RBMS1: variants seen among roughly 807,000 people sequenced by gnomAD.
The protein encoded by RBMS1 is RNA binding motif single stranded interacting protein 1, also known as RNA-binding motif, single-stranded-interacting protein 1.
RBMS1 carries 17 observed loss-of-function variants against 62.3 expected under a neutral mutation model. That is an observed-to-expected ratio of 0.27 (90% CI 0.19 to 0.41). The LOEUF is 0.41. Among genes scored for constraint, RBMS1 ranks in the 10% least tolerant of loss-of-function variants. The pLI is 1.00. For missense variants in RBMS1, 334 were observed against 504.5 expected (o/e 0.66, Z 3.24); for synonymous variants, 172 against 170.0 (o/e 1.01, Z -0.09).
intron 1 of RBMS1, among the ~76,000 whole-genome samples, chr2:160,421,355 T>A (rs1291702517): frequency 1.3e-5 from 2 of 151,560 alleles, no homozygotes; most frequent in Non-Finnish European, 2.9e-5. Context: ...TATCCAAGTG[T>A]TCTCATTGTT....
intron 1 of RBMS1, among the ~76,000 whole-genome samples, chr2:160,420,117 A>G (rs1696363351): frequency 6.6e-6 from 1 of 152,056 alleles, no homozygotes; most frequent in Admixed American, 6.6e-5. Flanking sequence ...CCTGCTTCCA[A>G]AATAATTTTT....
chr2:160,286,055 G>A (rs900191961), intron 7 of RBMS1, among the ~76,000 whole-genome samples: 1 of 151,988 alleles, frequency 6.6e-6, no homozygotes. Flanking sequence ...AGCTTGCAGT[G>A]AGCGGAGATC....
At chr2:160,278,811 T>G (rs1344663581) in intron 10 of RBMS1, 153 bp from the exon 11 acceptor site, 2 of 574,848 alleles carry the variant, frequency 3.5e-6, no homozygotes, top group African/African-American at 1.9e-5. Context: ...ATAAACAGTT[T>G]CCTAAAAATC....
intron 1 of RBMS1, among the ~76,000 whole-genome samples, chr2:160,389,793 A>G (rs1019927691): frequency 3.3e-5 from 5 of 150,868 alleles, no homozygotes; most frequent in African/African-American, 1.2e-4. Flanking sequence ...AATGAAAATT[A>G]CTAGTTTTTT....
chr2:160,445,324 G>A lies in RBMS1; in HGVS notation c.75+47965C>T, dbSNP rs1683598398. ...ATCAATATAAATGTAAAAGTTTCTG[G>A]TCAGATTTTTAGCATAACTAGATTT... is the stretch of plus-strand genomic sequence containing the variant. On this transcript the variant is annotated intron_variant, in intron 1 of 13. Transcript: ENST00000348849. Among the ~76,000 whole-genome samples, 4 of 152,112 alleles carry A rather than the reference G, an allele frequency of 2.6e-5. No homozygotes were observed. The South Asian group carries it at 8.3e-4, about 32-fold the overall frequency.
chr2:160,451,788 T>C (rs935797831), intron 1 of RBMS1, among the ~76,000 whole-genome samples: 1 of 152,072 alleles, frequency 6.6e-6, no homozygotes, highest in Non-Finnish European at 1.5e-5. Context: ...TTTGTATTTT[T>C]AGTACAGATG....
chr2:160,276,617 A>G (rs944677940), intron 12 of RBMS1: 2 of 152,258 alleles, frequency 1.3e-5, no homozygotes, highest in Non-Finnish European at 2.9e-5. Context: ...TTCCATAACA[A>G]GAACAGTTAT....
At chr2:160,459,090 G>A (rs1054438048) in intron 1 of RBMS1, among the ~76,000 whole-genome samples, 2 of 152,144 alleles carry the variant, frequency 1.3e-5, no homozygotes, top group African/African-American at 4.8e-5. Flanking sequence ...CATTTTTTGT[G>A]ATGCAATTGT....
intron 2 of RBMS1, among the ~76,000 whole-genome samples, chr2:160,362,282 C>CT (rs1286337507): frequency 6.6e-6 from 1 of 152,210 alleles, no homozygotes; most frequent in Admixed American, 6.5e-5. Flanking sequence ...TTTCCTTCAA[C>CT]TTTTCCTTTG....
intron 1 of RBMS1, among the ~76,000 whole-genome samples, chr2:160,462,597 T>C (rs983747517): frequency 2.0e-5 from 3 of 152,166 alleles, no homozygotes; most frequent in Non-Finnish European, 2.9e-5. Context: ...GAACATCATA[T>C]TAGCCATAGT....
chr2:160,406,378 C>T (rs1695708005), intron 1 of RBMS1, among the ~76,000 whole-genome samples: 1 of 152,216 alleles, frequency 6.6e-6, no homozygotes, highest in Non-Finnish European at 1.5e-5. Flanking sequence ...TAAAGGGAAG[C>T]CACCAAGCAT....
At chr2:160,294,052 A>C (rs1056111588) in intron 6 of RBMS1, among the ~76,000 whole-genome samples, 9 of 152,202 alleles carry the variant, frequency 5.9e-5, no homozygotes, top group African/African-American at 1.9e-4. Context: ...TGTCATGAAG[A>C]AGCCATGGGT....
chr2:160,462,984 G>A (rs1053207835), intron 1 of RBMS1, among the ~76,000 whole-genome samples: 1 of 152,146 alleles, frequency 6.6e-6, no homozygotes, highest in African/African-American at 2.4e-5. Context: ...TTAGAAGGCA[G>A]TCTAACATTT....
chr2:160,300,444 T>C (rs1320418404), intron 6 of RBMS1, among the ~76,000 whole-genome samples: 2 of 152,228 alleles, frequency 1.3e-5, no homozygotes, highest in Non-Finnish European at 2.9e-5. Flanking sequence ...ACAAGTCAGC[T>C]CCTTACCACT....
intron 4 of RBMS1, among the ~76,000 whole-genome samples, chr2:160,308,272 G>A (rs1689656623): frequency 6.6e-6 from 1 of 152,076 alleles, no homozygotes; most frequent in African/African-American, 2.4e-5. Context: ...GTGCGTGCCT[G>A]TAGTCCCAGC....
intron 1 of RBMS1, among the ~76,000 whole-genome samples, chr2:160,477,173 A>C (rs565832344): frequency 3.4e-4 from 52 of 152,262 alleles, no homozygotes; most frequent in Admixed American, 9.8e-4. Flanking sequence ...AGAGTGACAA[A>C]CAACCAACAC....
At chr2:160,282,209 G>A in intron 9 of RBMS1, 1 of 1,350,540 alleles carries the variant, frequency 7.4e-7, no homozygotes, top group South Asian at 1.1e-5. Context: ...AGGTTCAACA[G>A]AGAGGATATG....
intron 4 of RBMS1, among the ~76,000 whole-genome samples, chr2:160,306,129 G>A (rs201314205): frequency 8.0e-4 from 7 of 8,702 alleles, no homozygotes; most frequent in Admixed American, 2.0e-3. Context: ...TGTTTCTCTC[G>A]TGTGTGTGTG....
chr2:160,367,557 T>C, intron 1 of RBMS1, 166 bp from the exon 2 acceptor site: 1 of 1,257,988 alleles, frequency 7.9e-7, no homozygotes, highest in Non-Finnish European at 1.0e-6. Flanking sequence ...AAAAAAGCCC[T>C]CTCCTTCAAC....
Sources: gnomAD v4.1 joint callset for allele counts (sites outside exome capture counted in the v4.1 genomes callset) on GRCh38, gnomAD v4.1.1 for gene constraint, MANE v1.5 for transcripts, NCBI Gene and HGNC (gene_info 2026-07-23, HGNC 2026-07-21) for gene names.